COL23A1: variants seen among roughly 807,000 people sequenced by gnomAD.
COL23A1 encodes the protein collagen type XXIII alpha 1 chain, also known as collagen alpha-1(XXIII) chain.
Under a neutral mutation model 99.3 loss-of-function variants are expected in COL23A1, and 97 were observed. The ratio of observed to expected loss-of-function variants is 0.98; its 90% CI spans 0.83 to 1.16. The LOEUF (loss-of-function observed/expected upper bound fraction) is 1.16, where lower values mean the gene tolerates loss of function less well. COL23A1 is among the 50% of genes most tolerant of loss of function. The pLI is 0.00. For synonymous variants in COL23A1, 320 were observed against 308.2 expected, an observed-to-expected ratio of 1.04 and a Z score of -0.40; for missense variants, 762 against 757.4, an observed-to-expected ratio of 1.01 and a Z score of -0.07.
intron 2 of COL23A1, among the ~76,000 whole-genome samples, chr5:178,391,886 A>C (rs1763981036): frequency 9.2e-6 from 1 of 109,210 alleles, no homozygotes; most frequent in Non-Finnish European, 1.7e-5. Context: ...ATGAAACATT[A>C]TTTGAGACTA....
chr5:178,239,093 C>G, intron 28 of COL23A1, 48 bp downstream of exon 28: 2 of 1,608,422 alleles, frequency 1.2e-6, no homozygotes, highest in African/African-American at 1.3e-5. Context: ...TTCCCCCACC[C>G]TCCCCTGCCT....
intron 3 of COL23A1, among the ~76,000 whole-genome samples, chr5:178,291,265 C>T (rs115528667): frequency 0.01 from 1,573 of 152,294 alleles, 31 homozygotes; most frequent in African/African-American, 0.035. Flanking sequence ...ACGATTTATA[C>T]GTCCCAAGTA....
At chr5:178,446,000 T>C (rs1328070224) in intron 2 of COL23A1, among the ~76,000 whole-genome samples, 1 of 152,104 alleles carries the variant, frequency 6.6e-6, no homozygotes, top group East Asian at 1.9e-4. Flanking sequence ...GCAAAATAAC[T>C]ATGACTGTCT....
intron 3 of COL23A1, among the ~76,000 whole-genome samples, chr5:178,302,529 C>G (rs1038390385): frequency 1.3e-5 from 2 of 152,198 alleles, no homozygotes; most frequent in African/African-American, 4.8e-5. Context: ...CATTACAACT[C>G]TGCCTTTGTC....
At position 178,483,318 on chromosome 5, in the gene COL23A1, TA is replaced by T. The variant is rs113034396; in HGVS notation, c.361+77363del. Among the ~76,000 whole-genome samples, 240 of 147,670 alleles carry T rather than the reference TA, an allele frequency of 1.6e-3. 1 individual carries two copies. Among genetic ancestry groups the T allele is most frequent in the African/African-American group, 4.5e-3 (181 of 40,490 alleles). ...TAGATGCCACATAAAACTGAGGAAT[TA>T]AAAAAAAAAATCTTGAATGGTAGGA... is the stretch of plus-strand genomic sequence containing the variant. On this transcript the variant is annotated intron_variant, in intron 2 of 28. Coordinates refer to ENST00000390654, the MANE Select transcript of COL23A1 (RefSeq NM_173465.4).
Position 178,331,009 on chromosome 5 carries a change from T to A in COL23A1, c.362-24090A>T, listed in dbSNP as rs73804799. 5.5e-3 allele frequency among the ~76,000 whole-genome samples: 837 copies of A among 152,356 alleles called. 8 individuals are homozygous for A. The highest frequency in any genetic ancestry group is 0.019 in the African/African-American group (803 of 41,592). On this transcript the variant is annotated intron_variant, in intron 2 of 28. Transcript: ENST00000390654. Reference sequence around the variant, plus strand: ...TTTCCATTCTGCTAGAATGCAGACTTCTCAGCCGGATAAACCTCGTCTCTC... The same window carrying A: ...TTTCCATTCTGCTAGAATGCAGACTACTCAGCCGGATAAACCTCGTCTCTC...
intron 2 of COL23A1, among the ~76,000 whole-genome samples, chr5:178,471,304 C>T (rs535930948): frequency 3.0e-4 from 46 of 152,226 alleles, no homozygotes; most frequent in Admixed American, 1.0e-3. Context: ...TGCAGTGGTG[C>T]GATCTCAGCT....
At chr5:178,378,672 C>T (rs886235379) in intron 2 of COL23A1, among the ~76,000 whole-genome samples, 2 of 152,174 alleles carry the variant, frequency 1.3e-5, no homozygotes, top group African/African-American at 4.8e-5. Flanking sequence ...TTGCAGGATA[C>T]GCAGGGATGG....
intron 11 of COL23A1, 88 bp downstream of exon 11, chr5:178,261,634 G>A (rs541045775): frequency 2.3e-6 from 2 of 884,966 alleles, no homozygotes; most frequent in Admixed American, 1.8e-5. Flanking sequence ...CACTAGGGGT[G>A]GGGGGAAGAG....
intron 2 of COL23A1, among the ~76,000 whole-genome samples, chr5:178,465,851 T>G (rs1043745211): frequency 6.6e-6 from 1 of 151,968 alleles, no homozygotes; most frequent in Non-Finnish European, 1.5e-5. Context: ...AGATGTGGGG[T>G]GGTCAGTACC....
At chr5:178,510,270 G>A (rs1028326380) in intron 2 of COL23A1, among the ~76,000 whole-genome samples, 1 of 152,254 alleles carries the variant, frequency 6.6e-6, no homozygotes, top group African/African-American at 2.4e-5. Context: ...GCCTGGGCAT[G>A]GTGGCTCACG....
At chr5:178,320,397 G>GCTACC (rs1759227673) in intron 2 of COL23A1, among the ~76,000 whole-genome samples, 1 of 152,190 alleles carries the variant, frequency 6.6e-6, no homozygotes, top group Non-Finnish European at 1.5e-5. Context: ...ACCCCAGGCA[G>GCTACC]TGTGTAGCCA....
Position 178,389,105 on chromosome 5 carries a change from ACGC to A in COL23A1, c.362-82189_362-82187del, listed in dbSNP as rs1763822729. ...GACTGGTTCCCCAAACCTGGCTGTC[ACGC>A]TCCCGTTGCCTCAGTGTGTGGCTTT... On this transcript the variant is annotated intron_variant, in intron 2 of 28. Transcript: ENST00000390654. Among the ~76,000 whole-genome samples the A allele has an allele frequency of 9.2e-5, 14 of 151,968 alleles. 1 individual carries two copies. In the South Asian group the frequency reaches 2.1e-3, roughly 23 times the overall value.
intron 2 of COL23A1, among the ~76,000 whole-genome samples, chr5:178,325,288 C>T (rs11740020): frequency 0.014 from 2,157 of 152,276 alleles, 23 homozygotes; most frequent in Middle Eastern, 0.058. Flanking sequence ...TGCCACTTCC[C>T]TTTAAAGGCA....
intron 18 of COL23A1, among the ~76,000 whole-genome samples, chr5:178,249,532 C>T (rs1270111398): frequency 6.6e-6 from 1 of 152,164 alleles, no homozygotes; most frequent in Non-Finnish European, 1.5e-5. Flanking sequence ...TGGTGGGACT[C>T]CCCACCCCCA....
chr5:178,257,050 TGA>T lies in COL23A1; in HGVS notation c.775-124_775-123del, dbSNP rs2127545562. 3.6e-6 allele frequency: 3 copies of T among 843,274 alleles called. No homozygotes were observed. The Admixed American group carries it at 6.6e-5, about 19-fold the overall frequency. 52.2% of individuals were successfully genotyped at this position (843,274 alleles called of 1,614,324 possible). On this transcript the variant is annotated intron_variant, in intron 13 of 28. Transcript: ENST00000390654. The stretch of plus-strand genomic sequence containing the variant: ...ATTAGGCCTCCTGGCAAATTGTTAC[TGA>T]GTCCATGGGGGGTGTGGGCGGATGG...
At chr5:178,563,420 A>T (rs1318541784) in intron 1 of COL23A1, among the ~76,000 whole-genome samples, 1 of 150,500 alleles carries the variant, frequency 6.6e-6, no homozygotes, top group African/African-American at 2.5e-5. Context: ...GGAGTCCATG[A>T]GGGGCTGAGG....
At chr5:178,413,963 A>T (rs1283346793) in intron 2 of COL23A1, among the ~76,000 whole-genome samples, 2 of 152,110 alleles carry the variant, frequency 1.3e-5, no homozygotes, top group African/African-American at 4.8e-5. Flanking sequence ...ATCTGCTTGC[A>T]TTTTTGACAG....
At chr5:178,394,370 G>A (rs1393534274) in intron 2 of COL23A1, among the ~76,000 whole-genome samples, 2 of 151,848 alleles carry the variant, frequency 1.3e-5, no homozygotes, top group African/African-American at 4.9e-5. Flanking sequence ...GAGAACACCT[G>A]CTAGGCTGCA....
Sources: allele counts gnomAD v4.1 joint callset (sites outside exome capture counted in the v4.1 genomes callset), GRCh38; gene constraint gnomAD v4.1.1; transcripts MANE v1.5; gene names NCBI Gene and HGNC (gene_info 2026-07-23, HGNC 2026-07-21).